Variants in FBXO25 observed in about 807,000 individuals in gnomAD.
FBXO25 encodes the protein F-box only protein 25.
FBXO25 carries 45 observed loss-of-function variants against 51.9 expected under a neutral mutation model. That is an observed-to-expected ratio of 0.87 (90% confidence interval 0.68 to 1.11). The LOEUF is 1.11. Among genes scored for constraint, FBXO25 ranks in the 50% most tolerant of loss-of-function variants. The pLI, the probability that FBXO25 is intolerant of heterozygous loss-of-function variation, is 0.00. For missense variants in FBXO25, 507 were observed against 428.5 expected, an observed-to-expected ratio of 1.18 and a Z score of -1.62; for synonymous variants, 199 against 151.0, an observed-to-expected ratio of 1.32 and a Z score of -2.33.
chr8:469,053 G>T lies in FBXO25; in HGVS notation c.*249G>T. On this transcript the variant is annotated 3_prime_UTR_variant, in exon 10 of 10. Coordinates refer to ENST00000350302, the MANE Select transcript of FBXO25 (RefSeq NM_183420.2). ...AGCATATTAAAATGTGAAATTTTGC[G>T]TACTCTCTCTCTCTATATATATAGT... is the stretch of plus-strand genomic sequence containing the variant. The T allele has an allele frequency of 2.2e-6, 1 of 458,732 alleles. No homozygotes were observed. The highest frequency in any genetic ancestry group is 2.2e-5 in the African/African-American group (1 of 46,384). 28.4% of individuals were successfully genotyped at this position (458,732 alleles called of 1,614,324 possible).
intron 9 of FBXO25, chr8:468,163 TAA>T: frequency 9.8e-7 from 1 of 1,023,404 alleles, no homozygotes; most frequent in Non-Finnish European, 1.2e-6. Context: ...ATATTAAATA[TAA>T]TTCTGGATCC....
rs991037105 is a variant in FBXO25 at position 473,646 on chromosome 8, G to A, written c.*4842G>A. On this transcript the variant is annotated 3_prime_UTR_variant, in exon 10 of 10. Transcript: ENST00000350302. The stretch of plus-strand genomic sequence containing the variant: ...GCACCAGCTGGAGGGGCAAGCAGGA[G>A]AAGGCACTGCTGGTGCCACAGGGGT... 2.0e-5 allele frequency: 3 copies of A among 152,238 alleles called. No homozygotes were observed. Among genetic ancestry groups the A allele is most frequent in the African/African-American group, 7.2e-5 (3 of 41,456 alleles). The allele number at this position is 152,238 out of a possible 1,614,324, so 9.4% of individuals were successfully genotyped here.
At chr8:468,326 C>T in intron 9 of FBXO25, 1 of 988,554 alleles carries the variant, frequency 1.0e-6, no homozygotes, top group Non-Finnish European at 1.2e-6. Flanking sequence ...CAAAGTGAGC[C>T]AGGAACAGGA....
At chr8:459,488 A>T (rs1018804715) in intron 8 of FBXO25, among the ~76,000 whole-genome samples, 5 of 152,224 alleles carry the variant, frequency 3.3e-5, no homozygotes, top group Non-Finnish European at 7.3e-5. Flanking sequence ...AGCAAAGCAC[A>T]TGGAATTGCA....
chr8:463,201 C>T lies in FBXO25; in HGVS notation c.987+51C>T, dbSNP rs1415307941. 4 of 1,572,852 alleles carry T rather than the reference C, an allele frequency of 2.5e-6. No homozygotes were observed. The African/African-American group carries it at 4.1e-5, about 16-fold the overall frequency. The stretch of plus-strand genomic sequence containing the variant: ...ATTTCAGGATTAAATTTTGGTGAAA[C>T]AAACTAATCACCTATATTTTAAGTA... On this transcript the variant is annotated intron_variant, in intron 9 of 9. Coordinates refer to ENST00000350302, the MANE Select transcript of FBXO25 (RefSeq NM_183420.2).
At chr8:422,409 C>G (rs1476215563) in intron 2 of FBXO25, among the ~76,000 whole-genome samples, 1 of 152,232 alleles carries the variant, frequency 6.6e-6, no homozygotes, top group Non-Finnish European at 1.5e-5. Flanking sequence ...GAGGAGACTA[C>G]AAACTCTTCT....
chr8:477,867 A>C lies in FBXO25; in HGVS notation c.*9063A>C, dbSNP rs904999349. ...CATTCTTAACATTTGGGCTGTGCAA[A>C]AACAGCTGGTGGGCCCAATTTTGGC... On this transcript the variant is annotated 3_prime_UTR_variant, in exon 10 of 10. Transcript: ENST00000350302. The C allele has an allele frequency of 3.9e-5, 6 of 152,216 alleles. No homozygotes were observed. The highest frequency in any genetic ancestry group is 1.4e-4 in the African/African-American group (6 of 41,462). The allele number at this position is 152,216 out of a possible 1,614,324, so 9.4% of individuals were successfully genotyped here.
chr8:415,275 T>A (rs547317997), intron 2 of FBXO25, among the ~76,000 whole-genome samples: 1 of 152,350 alleles, frequency 6.6e-6, no homozygotes, highest in African/African-American at 2.4e-5. Context: ...GCCTTTAGTA[T>A]CCTTCTGCTT....
chr8:442,777 A>G (rs1034768382), intron 5 of FBXO25, among the ~76,000 whole-genome samples: 1 of 152,134 alleles, frequency 6.6e-6, no homozygotes, highest in African/African-American at 2.4e-5. Context: ...GCCTATTTCC[A>G]CTTTATAAAA....
chr8:442,185 G>C (rs1798466787), intron 5 of FBXO25, among the ~76,000 whole-genome samples: 2 of 152,134 alleles, frequency 1.3e-5, no homozygotes, highest in Non-Finnish European at 2.9e-5. Flanking sequence ...TATATCCCAA[G>C]CACCTGGCAA....
rs533607843 is a variant in FBXO25 at position 413,058 on chromosome 8, T to G, written c.-7-15T>G. The G allele has an allele frequency of 2.0e-4, 298 of 1,475,204 alleles. 1 individual carries two copies. The highest frequency in any genetic ancestry group is 2.5e-4 in the Non-Finnish European group (282 of 1,113,374). 91.4% of individuals were successfully genotyped at this position (1,475,204 alleles called of 1,614,324 possible). A position where few individuals can be genotyped will look rare whatever the true frequency, so the allele number is the denominator to read the frequency against. ...AATTATATATACTTTTTAACATAATTTAACTTTTTCATAGGAGAACTATGC... is the reference window on the plus strand; with the variant it reads ...AATTATATATACTTTTTAACATAATGTAACTTTTTCATAGGAGAACTATGC... On this transcript the variant is annotated splice_polypyrimidine_tract_variant and intron_variant, in intron 1 of 9. Coordinates refer to ENST00000350302, the MANE Select transcript of FBXO25 (RefSeq NM_183420.2).
chr8:419,757 A>G (rs539533230), intron 2 of FBXO25, among the ~76,000 whole-genome samples: 7 of 152,316 alleles, frequency 4.6e-5, no homozygotes, highest in African/African-American at 1.7e-4. Context: ...CAGAGTTTTT[A>G]GATACGATAC....
intron 2 of FBXO25, among the ~76,000 whole-genome samples, chr8:426,755 A>G (rs1477436487): frequency 1.3e-5 from 2 of 151,752 alleles, no homozygotes; most frequent in African/African-American, 4.8e-5. Context: ...CTCTGTGCAC[A>G]GTGCAGTTGC....
intron 5 of FBXO25, among the ~76,000 whole-genome samples, chr8:436,719 G>T (rs764268294): frequency 4.7e-4 from 71 of 152,190 alleles, no homozygotes; most frequent in Non-Finnish European, 1.9e-4. Context: ...GAAATTTTCA[G>T]TACTTAAGTA....
chr8:453,111 A>G (rs1161951291), intron 7 of FBXO25, among the ~76,000 whole-genome samples: 6 of 152,226 alleles, frequency 3.9e-5, no homozygotes, highest in Non-Finnish European at 8.8e-5. Context: ...GCCTCAGCAC[A>G]GAAGGATAGG....
intron 2 of FBXO25, among the ~76,000 whole-genome samples, chr8:414,567 T>G (rs1796680957): frequency 6.6e-6 from 1 of 152,206 alleles, no homozygotes; most frequent in African/African-American, 2.4e-5. Flanking sequence ...CTTTTTCCCA[T>G]CATCTCAAAC....
chr8:408,363 C>T (rs1173091622), intron 1 of FBXO25, among the ~76,000 whole-genome samples: 1 of 151,884 alleles, frequency 6.6e-6, no homozygotes, highest in Non-Finnish European at 1.5e-5. Context: ...AATTTAATGG[C>T]ATCTGTTTTA....
Position 474,036 on chromosome 8 carries a change from A to G in FBXO25, c.*5232A>G, listed in dbSNP as rs1800567934. The G allele has an allele frequency of 6.6e-6, 1 of 152,314 alleles. No individual in the cohort carries two copies. Among genetic ancestry groups the G allele is most frequent in the Non-Finnish European group, 1.5e-5 (1 of 68,146 alleles). 9.4% of individuals were successfully genotyped at this position (152,314 alleles called of 1,614,324 possible). ...GTGCAACCTTCTCTACCACGTATCCACAAGTTCAACTTTACAAGATGAACT... is the reference window on the plus strand; with the variant it reads ...GTGCAACCTTCTCTACCACGTATCCGCAAGTTCAACTTTACAAGATGAACT... On this transcript the variant is annotated 3_prime_UTR_variant, in exon 10 of 10. Coordinates refer to ENST00000350302, the MANE Select transcript of FBXO25 (RefSeq NM_183420.2).
intron 9 of FBXO25, chr8:467,848 G>A (rs1800280549): frequency 1.9e-6 from 3 of 1,593,370 alleles, no homozygotes; most frequent in Non-Finnish European, 2.6e-6. Flanking sequence ...CTCGATTCCA[G>A]CTCTCGCTGA....
Sources: allele counts gnomAD v4.1 joint callset (sites outside exome capture counted in the v4.1 genomes callset), GRCh38; gene constraint gnomAD v4.1.1; transcripts MANE v1.5; gene names NCBI Gene and HGNC (gene_info 2026-07-23, HGNC 2026-07-21).